Variants in UNC13C observed in about 807,000 individuals in gnomAD.
UNC13C encodes protein unc-13 homolog C.
A neutral mutation model predicts 245.4 loss-of-function variants in UNC13C; 174 were observed. The observed-to-expected ratio is 0.71, with a 90% CI of 0.63 to 0.80. UNC13C has a LOEUF of 0.80. Among genes scored for constraint, UNC13C ranks in the 30% least tolerant of loss-of-function variants. The pLI, the probability that UNC13C is intolerant of heterozygous loss-of-function variation, is 0.00. For synonymous variants in UNC13C, 992 were observed against 895.1 expected (o/e 1.11, Z -1.93); for missense variants, 2,829 against 2,602.9 (o/e 1.09, Z -1.89).
chr15:54,239,339 G>A (rs78442412), intron 7 of UNC13C, among the ~76,000 whole-genome samples: 13,894 of 152,062 alleles, frequency 0.091, 905 homozygotes, highest in South Asian at 0.22. Context: ...AAACATATTC[G>A]TTTGACTATG....
chr15:54,228,870 T>A lies in UNC13C; in HGVS notation c.3072-6160T>A, dbSNP rs180760470. On this transcript the variant is annotated intron_variant, in intron 4 of 32. Transcript: ENST00000260323. Reference sequence around the variant, plus strand: ...CTCCCTGAGCCACCTAGATGGTGTATCTCTAGTTCATTTGCCCAAGTCCAC... The same window carrying A: ...CTCCCTGAGCCACCTAGATGGTGTAACTCTAGTTCATTTGCCCAAGTCCAC... 2.5e-3 allele frequency among the ~76,000 whole-genome samples: 377 copies of A among 152,268 alleles called. 1 individual carries two copies. The highest frequency in any genetic ancestry group is 8.7e-3 in the African/African-American group (363 of 41,564).
intron 17 of UNC13C, among the ~76,000 whole-genome samples, chr15:54,381,027 A>T (rs1360831565): frequency 6.6e-6 from 1 of 152,136 alleles, no homozygotes; most frequent in Non-Finnish European, 1.5e-5. Flanking sequence ...ATCCAAAAAA[A>T]TCTTAATCCA....
At chr15:54,448,051 C>T (rs946435607) in intron 19 of UNC13C, among the ~76,000 whole-genome samples, 2 of 152,266 alleles carry the variant, frequency 1.3e-5, no homozygotes, top group South Asian at 2.1e-4. Flanking sequence ...CATTCAGGAG[C>T]AGGTTGTTCA....
At chr15:54,193,930 C>T (rs980196443) in intron 4 of UNC13C, among the ~76,000 whole-genome samples, 1 of 152,148 alleles carries the variant, frequency 6.6e-6, no homozygotes, top group African/African-American at 2.4e-5. Context: ...TACGAAGGTT[C>T]TACTGAAGAG....
intron 19 of UNC13C, among the ~76,000 whole-genome samples, chr15:54,485,628 T>C (rs1893364793): frequency 6.6e-6 from 1 of 152,228 alleles, no homozygotes; most frequent in African/African-American, 2.4e-5. Context: ...TTTTATTCCA[T>C]AACTCTTAGA....
At chr15:54,333,931 C>A (rs2038507078) in intron 16 of UNC13C, 75 bp downstream of exon 16, 2 of 1,102,100 alleles carry the variant, frequency 1.8e-6, no homozygotes, top group Admixed American at 2.0e-5. Flanking sequence ...TCTTGCTTTA[C>A]CCTCCTCTTG....
chr15:54,083,539 C>T (rs1899070913), intron 2 of UNC13C, among the ~76,000 whole-genome samples: 1 of 152,188 alleles, frequency 6.6e-6, no homozygotes, highest in South Asian at 2.1e-4. Context: ...TGGGGAGAAC[C>T]TCTGCTGTAT....
At chr15:54,527,080 G>A (rs985724934) in intron 25 of UNC13C, among the ~76,000 whole-genome samples, 1 of 151,964 alleles carries the variant, frequency 6.6e-6, no homozygotes, top group Non-Finnish European at 1.5e-5. Flanking sequence ...GCTGTGTTGA[G>A]CCAAGGGTAG....
At chr15:53,960,730 C>G in the UNC13C span, among the ~76,000 whole-genome samples, 2 of 151,912 alleles carry the variant, frequency 1.3e-5, no homozygotes, top group African/African-American at 4.8e-5. Context: ...ATAGTCAGTC[C>G]TTTCATATCC....
intron 16 of UNC13C, among the ~76,000 whole-genome samples, chr15:54,336,336 A>T (rs974229096): frequency 1.3e-5 from 2 of 151,872 alleles, no homozygotes; most frequent in Non-Finnish European, 2.9e-5. Context: ...TCAAGAATAC[A>T]GTAGTCTCGA....
At chr15:53,995,560 A>G (rs969857) in intron 1 of UNC13C, among the ~76,000 whole-genome samples, 116,474 of 150,122 alleles carry the variant, frequency 0.78, 46,605 homozygotes, top group Middle Eastern at 0.91. Flanking sequence ...TTCTTGTTGA[A>G]ATGCCTACAA....
chr15:53,859,488 G>A, the UNC13C span, among the ~76,000 whole-genome samples: 1 of 152,194 alleles, frequency 6.6e-6, no homozygotes, highest in South Asian at 2.1e-4. Flanking sequence ...CAAATTCTTT[G>A]CATTGTTTTT....
Position 54,190,078 on chromosome 15 carries a change from G to C in UNC13C, c.3072-44952G>C. ...CTTACTCTTAGTACAGGTTTCTAAG[G>C]TAATGGATAAGGTCACACCTTCTAG... On this transcript the variant is annotated intron_variant, in intron 4 of 32. Coordinates refer to ENST00000260323, the MANE Select transcript of UNC13C (RefSeq NM_001080534.3). 1.3e-5 allele frequency among the ~76,000 whole-genome samples: 2 copies of C among 152,080 alleles called. 1 individual carries two copies. The highest frequency in any genetic ancestry group is 1.3e-4 in the Admixed American group (2 of 15,256).
the UNC13C span, among the ~76,000 whole-genome samples, chr15:53,970,151 C>G: frequency 6.6e-6 from 1 of 151,918 alleles, no homozygotes; most frequent in Non-Finnish European, 1.5e-5. Context: ...TTTGCTCCAA[C>G]CTTTGCCTCC....
At chr15:54,421,968 A>C (rs2040653859) in intron 19 of UNC13C, among the ~76,000 whole-genome samples, 1 of 152,072 alleles carries the variant, frequency 6.6e-6, no homozygotes. Context: ...GCAAATAATT[A>C]CACAAATAAA....
At chr15:53,850,859 A>G in the UNC13C span, among the ~76,000 whole-genome samples, 1 of 146,330 alleles carries the variant, frequency 6.8e-6, no homozygotes, top group South Asian at 2.1e-4. Flanking sequence ...GGCTCTGGTC[A>G]TTTTTTCCAA....
At chr15:54,539,344 G>T (rs763668470) in intron 26 of UNC13C, among the ~76,000 whole-genome samples, 1 of 151,966 alleles carries the variant, frequency 6.6e-6, no homozygotes, top group Non-Finnish European at 1.5e-5. Context: ...AGGTAGGGAA[G>T]TAGGTGCAGA....
intron 24 of UNC13C, among the ~76,000 whole-genome samples, chr15:54,522,490 A>AAACAAC (rs372205345): frequency 7.9e-5 from 12 of 151,814 alleles, no homozygotes; most frequent in South Asian, 2.1e-4. Context: ...AAACAAAACA[A>AAACAAC]AACAACAACA....
chr15:54,344,151 AAG>A (rs1366113761), intron 17 of UNC13C, among the ~76,000 whole-genome samples: 1 of 152,218 alleles, frequency 6.6e-6, no homozygotes, highest in Non-Finnish European at 1.5e-5. Flanking sequence ...AGTTTGGTCA[AAG>A]AGAGAATCTT....
Sources: allele counts gnomAD v4.1 joint callset (sites outside exome capture counted in the v4.1 genomes callset), GRCh38; gene constraint gnomAD v4.1.1; transcripts MANE v1.5; gene names NCBI Gene and HGNC (gene_info 2026-07-23, HGNC 2026-07-21).